Variants in CATSPERE observed in about 807,000 individuals in gnomAD.
CATSPERE encodes catsper channel auxiliary subunit epsilon.
CATSPERE carries 93 observed loss-of-function variants against 114.1 expected under a neutral mutation model. The ratio of observed to expected loss-of-function variants is 0.81; its 90% CI spans 0.69 to 0.97. The LOEUF (loss-of-function observed/expected upper bound fraction) is 0.97. Among genes scored for constraint, CATSPERE ranks in the 50% least tolerant of loss-of-function variants. CATSPERE has a pLI of 0.00. For missense variants in CATSPERE, 1,058 were observed against 1,131.6 expected (o/e 0.93, Z 0.93); for synonymous variants, 341 against 384.1 (o/e 0.89, Z 1.31).
At chr1:244,610,469 G>C in intron 19 of CATSPERE, 143 bp downstream of exon 19, 1 of 717,732 alleles carries the variant, frequency 1.4e-6, no homozygotes, top group African/African-American at 1.8e-5. Flanking sequence ...ATTGTATCAT[G>C]GTATTTTTAA....
At chr1:244,537,627 T>C (rs544532316) in intron 8 of CATSPERE, among the ~76,000 whole-genome samples, 10 of 152,348 alleles carry the variant, frequency 6.6e-5, no homozygotes, top group Non-Finnish European at 7.3e-5. Flanking sequence ...TTTTGGAAGA[T>C]TATTAATTAT....
intron 1 of CATSPERE, 112 bp downstream of exon 1, chr1:244,461,606 G>A: frequency 2.5e-6 from 2 of 814,810 alleles, no homozygotes; most frequent in Non-Finnish European, 3.3e-6. Context: ...CGCCCTGGCC[G>A]ACCACTGCCT....
At chr1:244,520,827 CAA>C (rs1414933958) in intron 8 of CATSPERE, among the ~76,000 whole-genome samples, 1 of 151,888 alleles carries the variant, frequency 6.6e-6, no homozygotes, top group Admixed American at 6.6e-5. Flanking sequence ...AAAATTGACC[CAA>C]AAAATACATA....
chr1:244,618,216 A>C (rs1444713907), intron 20 of CATSPERE, among the ~76,000 whole-genome samples: 1 of 152,216 alleles, frequency 6.6e-6, no homozygotes, highest in Middle Eastern at 3.2e-3. Flanking sequence ...TTCCAGTGAA[A>C]GAAATCACAC....
intron 6 of CATSPERE, among the ~76,000 whole-genome samples, chr1:244,491,462 T>C (rs545439957): frequency 0.031 from 4,639 of 151,866 alleles, 115 homozygotes; most frequent in Non-Finnish European, 0.047. Flanking sequence ...GAGGGAAATT[T>C]ATAGCACTAA....
chr1:244,596,281 C>A (rs1668413035), intron 17 of CATSPERE, among the ~76,000 whole-genome samples: 1 of 152,202 alleles, frequency 6.6e-6, no homozygotes, highest in Admixed American at 6.5e-5. Flanking sequence ...ATAGCCCTCC[C>A]CTTATTTAGC....
intron 10 of CATSPERE, among the ~76,000 whole-genome samples, chr1:244,566,195 T>G (rs921970137): frequency 6.6e-6 from 1 of 152,244 alleles, no homozygotes; most frequent in Admixed American, 6.5e-5. Context: ...CTGTTTGTTA[T>G]GATTTCCATT....
upstream of CATSPERE, among the ~76,000 whole-genome samples, chr1:244,459,279 T>C (rs1666440045): frequency 6.6e-6 from 1 of 152,036 alleles, no homozygotes; most frequent in Non-Finnish European, 1.5e-5. Context: ...GGGTTTCACC[T>C]TGTTGGCCAG....
At chr1:244,540,609 C>A (rs1468044825) in intron 8 of CATSPERE, among the ~76,000 whole-genome samples, 4 of 149,422 alleles carry the variant, frequency 2.7e-5, no homozygotes, top group African/African-American at 9.8e-5. Context: ...AGGTGCCATC[C>A]CCATCAAGCT....
chr1:244,603,514 C>T (rs1377515179), intron 17 of CATSPERE, among the ~76,000 whole-genome samples: 1 of 152,026 alleles, frequency 6.6e-6, no homozygotes, highest in East Asian at 1.9e-4. Context: ...AGTATTTTTT[C>T]AAATATATTC....
intron 5 of CATSPERE, among the ~76,000 whole-genome samples, chr1:244,485,460 C>T (rs1007505176): frequency 6.6e-6 from 1 of 152,094 alleles, no homozygotes; most frequent in Non-Finnish European, 1.5e-5. Flanking sequence ...GGATTACAGG[C>T]ATGAGTGGCT....
chr1:244,611,098 A>G (rs1231517962), intron 19 of CATSPERE, among the ~76,000 whole-genome samples: 1 of 152,040 alleles, frequency 6.6e-6, no homozygotes, highest in Non-Finnish European at 1.5e-5. Flanking sequence ...AGCGTTTATA[A>G]CTATGACACA....
At chr1:244,500,689 G>T (rs1176154656) in intron 7 of CATSPERE, among the ~76,000 whole-genome samples, 1 of 152,114 alleles carries the variant, frequency 6.6e-6, no homozygotes, top group Admixed American at 6.5e-5. Context: ...CCTCTGTTCT[G>T]TTCCATTGGT....
Position 244,573,990 on chromosome 1 carries a change from T to C in CATSPERE, c.1950+1218T>C, listed in dbSNP as rs1167443955. Among the ~76,000 whole-genome samples the C allele has an allele frequency of 1.3e-5, 2 of 152,194 alleles. No individual in the cohort carries two copies. The highest frequency in any genetic ancestry group is 2.4e-5 in the African/African-American group (1 of 41,448). The stretch of plus-strand genomic sequence containing the variant: ...CTGCAGAAAGGGTGCTCCTCACAGA[T>C]GGAACAATGGCAAGAGTGCACCTGA... On this transcript the variant is annotated intron_variant, in intron 11 of 21. Transcript: ENST00000366534. This position sits in a 1 kb window ranked among gnomAD's most constrained non-coding sequence, Gnocchi z 4.0.
chr1:244,620,828 T>G (rs772936200), intron 20 of CATSPERE, among the ~76,000 whole-genome samples: 8 of 150,844 alleles, frequency 5.3e-5, no homozygotes, highest in Non-Finnish European at 8.8e-5. Context: ...CCCCTAGGGT[T>G]ATCTGCATAT....
At chr1:244,625,399 T>TA in intron 20 of CATSPERE, among the ~76,000 whole-genome samples, 1 of 72,366 alleles carries the variant, frequency 1.4e-5, no homozygotes, top group African/African-American at 5.7e-5. Context: ...ATTATTATTA[T>TA]TATTATTTAT....
chr1:244,572,640 A>C lies in CATSPERE; in HGVS notation c.1818A>C (p.Thr606=). The C allele has an allele frequency of 6.2e-7, 1 of 1,614,130 alleles. No individual in the cohort carries two copies. The highest frequency in any genetic ancestry group is 1.3e-5 in the African/African-American group (1 of 75,062). ...FYFLDKGEAL[T]VWTQIVYPEN... is the part of the protein sequence containing the mutation. ...TTTTGGACAAGGGAGAGGCTCTGAC[A>C]GTTTGGACTCAGATCGTCTATCCAG... The change falls in exon 11 of 22, where the codon ACA becomes ACC. Residue 606 remains threonine, a synonymous_variant. Coordinates refer to ENST00000366534, the MANE Select transcript of CATSPERE (RefSeq NM_001130957.2).
At chr1:244,539,002 G>C (rs892303568) in intron 8 of CATSPERE, among the ~76,000 whole-genome samples, 1 of 152,074 alleles carries the variant, frequency 6.6e-6, no homozygotes, top group African/African-American at 2.4e-5. Flanking sequence ...GCTGCACGTC[G>C]CTAGCCAGCT....
At chr1:244,512,491 TAA>T (rs1442449504) in intron 7 of CATSPERE, among the ~76,000 whole-genome samples, 4 of 152,156 alleles carry the variant, frequency 2.6e-5, no homozygotes, top group African/African-American at 9.6e-5. Flanking sequence ...TGTATCTCAC[TAA>T]GTTTCTTTTT....
Sources: allele counts gnomAD v4.1 joint callset (sites outside exome capture counted in the v4.1 genomes callset), GRCh38; gene constraint gnomAD v4.1.1; non-coding constraint Gnocchi (gnomAD v3.1); transcripts MANE v1.5; gene names NCBI Gene and HGNC (gene_info 2026-07-23, HGNC 2026-07-21).